FGGY: variants seen among roughly 807,000 people sequenced by gnomAD.
FGGY encodes the protein FGGY carbohydrate kinase domain containing.
Under a neutral mutation model 71.3 loss-of-function variants are expected in FGGY, and 72 were observed. The observed-to-expected ratio is 1.01, with a 90% CI of 0.84 to 1.23. The LOEUF (loss-of-function observed/expected upper bound fraction) is 1.23, where lower values mean the gene tolerates loss of function less well. Among genes scored for constraint, FGGY ranks in the 50% most tolerant of loss-of-function variants. FGGY has a pLI of 0.00. For missense variants in FGGY, 668 were observed against 682.3 expected (o/e 0.98, Z 0.23); for synonymous variants, 251 against 250.3 (o/e 1.00, Z -0.02).
chr1:59,373,698 C>A (rs867940452), intron 4 of FGGY, among the ~76,000 whole-genome samples: 4,244 of 152,114 alleles, frequency 0.028, 200 homozygotes, highest in African/African-American at 0.097. Flanking sequence ...GGTACTGGTA[C>A]CAAAACAGAG....
intron 8 of FGGY, among the ~76,000 whole-genome samples, chr1:59,589,250 A>G (rs2096377413): frequency 1.3e-5 from 2 of 152,234 alleles, no homozygotes; most frequent in Admixed American, 6.5e-5. Context: ...TCCTAAATAT[A>G]TATGCACCCA....
At chr1:59,493,976 A>C (rs1466080427) in intron 6 of FGGY, among the ~76,000 whole-genome samples, 1 of 152,228 alleles carries the variant, frequency 6.6e-6, no homozygotes, top group African/African-American at 2.4e-5. Flanking sequence ...TTTAGGGCTA[A>C]ATCACTTGCC....
intron 8 of FGGY, among the ~76,000 whole-genome samples, chr1:59,583,492 T>G (rs1419399046): frequency 7.0e-6 from 1 of 143,396 alleles, no homozygotes; most frequent in Non-Finnish European, 1.5e-5. Context: ...TCTTTTCTAT[T>G]TATGGAGGTA....
intron 6 of FGGY, among the ~76,000 whole-genome samples, chr1:59,469,297 A>G (rs547415734): frequency 1.3e-5 from 2 of 152,324 alleles, no homozygotes; most frequent in African/African-American, 4.8e-5. Context: ...ATGGTTCTGG[A>G]GGCTGCAGTG....
intron 7 of FGGY, among the ~76,000 whole-genome samples, chr1:59,544,833 G>A (rs2095497798): frequency 6.6e-6 from 1 of 152,182 alleles, no homozygotes; most frequent in African/African-American, 2.4e-5. Flanking sequence ...AGAATGCAGA[G>A]TTCCATCTCC....
chr1:59,305,583 G>A (rs937514008), intron 1 of FGGY, among the ~76,000 whole-genome samples: 3 of 152,192 alleles, frequency 2.0e-5, no homozygotes, highest in African/African-American at 7.2e-5. Context: ...CATAAAATGA[G>A]TGTGGAAGTA....
chr1:59,346,393 A>G lies in FGGY; in HGVS notation c.460A>G (p.Lys154Glu). 1 of 1,611,292 alleles carries G rather than the reference A, an allele frequency of 6.2e-7. No individual in the cohort carries two copies. Among genetic ancestry groups the G allele is most frequent in the Non-Finnish European group, 8.5e-7 (1 of 1,179,442 alleles). The change falls in exon 4 of 16, where the codon AAA becomes GAA. Residue 154 changes from lysine to glutamate, a missense_variant. Physicochemically the swap from Lys to Glu is moderately conservative, Grantham distance 56 (BLOSUM62 1). Transcript: ENST00000303721. ...GCAGGCCCCGAAACTTCTGTGGCTG[A>G]AAGAGGTGAGTGCATAGGGTCTAAG... ...EMQAPKLLWL[K>E]ENLREICWDK...
chr1:59,552,131 G>T (rs907042074), intron 7 of FGGY, among the ~76,000 whole-genome samples: 2 of 152,150 alleles, frequency 1.3e-5, no homozygotes, highest in African/African-American at 4.8e-5. Flanking sequence ...TAGTCTGAGG[G>T]CAGGGGACAC....
chr1:59,300,650 A>G (rs574774929), intron 1 of FGGY, among the ~76,000 whole-genome samples: 1 of 152,144 alleles, frequency 6.6e-6, no homozygotes, highest in East Asian at 1.9e-4. Flanking sequence ...GATCATTTTA[A>G]GGTAATTTTT....
intron 6 of FGGY, among the ~76,000 whole-genome samples, chr1:59,463,651 A>T (rs1412438144): frequency 6.6e-6 from 1 of 151,578 alleles, no homozygotes; most frequent in African/African-American, 2.4e-5. Context: ...GGCTCAAAAT[A>T]AAGGGATGGA....
At chr1:59,456,925 T>A (rs770905524) in intron 5 of FGGY, 36 bp from the exon 6 acceptor site, 1 of 1,474,256 alleles carries the variant, frequency 6.8e-7, no homozygotes, top group East Asian at 2.3e-5. Flanking sequence ...CTCACTCATA[T>A]GGTCAGTTCT....
intron 5 of FGGY, among the ~76,000 whole-genome samples, chr1:59,410,240 T>G (rs1054408750): frequency 1.3e-5 from 2 of 152,230 alleles, no homozygotes; most frequent in African/African-American, 2.4e-5. Context: ...ACAAAGATAG[T>G]AACAACAATG....
chr1:59,692,015 C>T (rs183272966), intron 14 of FGGY, among the ~76,000 whole-genome samples: 1 of 152,072 alleles, frequency 6.6e-6, no homozygotes. Flanking sequence ...ACAAATACCC[C>T]CAAGGTACAA....
At chr1:59,395,588 T>A (rs375383401) in intron 5 of FGGY, among the ~76,000 whole-genome samples, 2 of 152,204 alleles carry the variant, frequency 1.3e-5, no homozygotes, top group Admixed American at 1.3e-4. Flanking sequence ...GTTCTAGAGG[T>A]AGAAGAAATT....
chr1:59,762,475 A>C (rs147536466), intron 15 of FGGY, 28 bp from the exon 16 acceptor site: 20 of 1,577,300 alleles, frequency 1.3e-5, no homozygotes, highest in Non-Finnish European at 1.7e-5. Context: ...TCTTGAGATC[A>C]TTCAACATAT....
At chr1:59,509,825 C>G (rs1432776915) in intron 6 of FGGY, among the ~76,000 whole-genome samples, 1 of 152,164 alleles carries the variant, frequency 6.6e-6, no homozygotes, top group East Asian at 1.9e-4. Context: ...AGGTTTCTTC[C>G]TAAATTACTA....
chr1:59,467,487 T>TA (rs1391336379), intron 6 of FGGY, among the ~76,000 whole-genome samples: 2 of 150,934 alleles, frequency 1.3e-5, no homozygotes, highest in African/African-American at 2.5e-5. Context: ...CCTTAGAACT[T>TA]AAAGTATAAT....
At chr1:59,385,156 T>C (rs951340055) in intron 5 of FGGY, among the ~76,000 whole-genome samples, 1 of 152,086 alleles carries the variant, frequency 6.6e-6, no homozygotes, top group Non-Finnish European at 1.5e-5. Context: ...CTCTCTTCCT[T>C]CTCCATTTTC....
At chr1:59,381,983 G>A (rs1198271461) in intron 5 of FGGY, among the ~76,000 whole-genome samples, 5 of 152,116 alleles carry the variant, frequency 3.3e-5, no homozygotes, top group Non-Finnish European at 7.3e-5. Flanking sequence ...TAAGTATGAC[G>A]AGCCTCTTGT....
Sources: gnomAD v4.1 joint callset for allele counts (sites outside exome capture counted in the v4.1 genomes callset) on GRCh38, gnomAD v4.1.1 for gene constraint, MANE v1.5 for transcripts, NCBI Gene and HGNC (gene_info 2026-07-23, HGNC 2026-07-21) for gene names.